FANCA: variants seen among roughly 807,000 people sequenced by gnomAD.
FANCA encodes the protein Fanconi anemia group A protein.
In FANCA, 236 loss-of-function variants were observed where a neutral mutation model predicts 194.3. The ratio of observed to expected loss-of-function variants is 1.21; its 90% CI spans 1.09 to 1.35. The LOEUF (loss-of-function observed/expected upper bound fraction) is 1.35. Ranked by LOEUF, FANCA falls within the 40% of genes most tolerant of loss-of-function variation. The pLI is 0.00. For synonymous variants in FANCA, 1,014 were observed against 715.8 expected (o/e 1.42, Z -6.65); for missense variants, 2,628 against 1,813.9 (o/e 1.45, Z -8.15).
intron 36 of FANCA, among the ~76,000 whole-genome samples, chr16:89,744,355 A>G (rs2062197744): frequency 1.3e-5 from 2 of 152,182 alleles, no homozygotes; most frequent in Non-Finnish European, 2.9e-5. Flanking sequence ...CGGCACCCAC[A>G]TTCAGCAGGT....
intron 36 of FANCA, among the ~76,000 whole-genome samples, chr16:89,744,006 T>C (rs928244248): frequency 3.3e-5 from 5 of 152,006 alleles, no homozygotes; most frequent in African/African-American, 1.2e-4. Flanking sequence ...CAAGCAATTC[T>C]CCTGCCTCAG....
chr16:89,812,657 A>AC (rs780767342), intron 3 of FANCA, among the ~76,000 whole-genome samples: 13,733 of 147,920 alleles, frequency 0.093, 1,325 homozygotes, highest in African/African-American at 0.2. Flanking sequence ...AAAAAAAAAA[A>AC]AAAAAAAAAA....
chr16:89,745,161 C>G, intron 35 of FANCA, 90 bp from the exon 36 acceptor site: 1 of 1,152,668 alleles, frequency 8.7e-7, no homozygotes, highest in Non-Finnish European at 1.3e-6. Context: ...AGTGCTCCTA[C>G]AGGCCACTAC....
intron 21 of FANCA, 83 bp downstream of exon 21, chr16:89,775,659 G>A: frequency 8.6e-7 from 1 of 1,160,604 alleles, no homozygotes; most frequent in African/African-American, 1.5e-5. Flanking sequence ...AGCTCACTCG[G>A]GTGGTGTAGC....
intron 29 of FANCA, among the ~76,000 whole-genome samples, chr16:89,760,302 C>G (rs749352585): frequency 1.3e-3 from 192 of 152,330 alleles, no homozygotes; most frequent in Non-Finnish European, 2.0e-3. Flanking sequence ...CGTGTTTTGC[C>G]GCAGGCAGCA....
intron 20 of FANCA, among the ~76,000 whole-genome samples, chr16:89,776,408 T>A (rs1451589613): frequency 6.6e-6 from 1 of 151,782 alleles, no homozygotes; most frequent in Non-Finnish European, 1.5e-5. Flanking sequence ...ACCTTGTGAT[T>A]CACCTGCCTC....
At chr16:89,774,640 G>A (rs993252888) in intron 21 of FANCA, among the ~76,000 whole-genome samples, 2 of 146,054 alleles carry the variant, frequency 1.4e-5, no homozygotes, top group South Asian at 2.2e-4. Context: ...TGAGGCAGGA[G>A]AATGGCATGA....
At position 89,814,161 on chromosome 16, in the gene FANCA, AG is replaced by A. The variant is rs1160224205; in HGVS notation, c.283+358del. Among the ~76,000 whole-genome samples the A allele has an allele frequency of 2.0e-5, 3 of 152,178 alleles. No homozygotes were observed. The East Asian group carries it at 5.8e-4, about 29-fold the overall frequency. On this transcript the variant is annotated intron_variant, in intron 3 of 42. Coordinates refer to ENST00000389301, the MANE Select transcript of FANCA (RefSeq NM_000135.4). Reference sequence around the variant, plus strand: ...CTCCCACTCTCAAACTGGGGGGAGAAGGAGGTACCTAGAAAATTGTTCTCCC... The same window carrying A: ...CTCCCACTCTCAAACTGGGGGGAGAAGAGGTACCTAGAAAATTGTTCTCCC...
chr16:89,810,686 G>C, intron 5 of FANCA, 21 bp downstream of exon 5: 1 of 1,476,616 alleles, frequency 6.8e-7, no homozygotes, highest in Non-Finnish European at 9.5e-7. Flanking sequence ...TGGAGAGTCA[G>C]ATTTGCAATC....
intron 35 of FANCA, among the ~76,000 whole-genome samples, chr16:89,746,375 T>TG (rs993176925): frequency 6.6e-6 from 1 of 151,860 alleles, no homozygotes; most frequent in Non-Finnish European, 1.5e-5. Flanking sequence ...GTGACGGCGG[T>TG]GGGGGCAGGG....
chr16:89,740,933 G>A (rs1598058242), intron 37 of FANCA, 67 bp from the exon 38 acceptor site: 12 of 1,383,892 alleles, frequency 8.7e-6, no homozygotes, highest in Non-Finnish European at 1.2e-5. Flanking sequence ...AAATAAGGCT[G>A]ACACATTCCT....
At chr16:89,789,813 GC>G in intron 14 of FANCA, among the ~76,000 whole-genome samples, 1 of 152,246 alleles carries the variant, frequency 6.6e-6, no homozygotes, top group South Asian at 2.1e-4. Flanking sequence ...AGAAACCATG[GC>G]GGTCCTTCAA....
chr16:89,759,705 G>A (rs2038885142), intron 29 of FANCA, among the ~76,000 whole-genome samples: 2 of 152,218 alleles, frequency 1.3e-5, no homozygotes, highest in African/African-American at 2.4e-5. Context: ...AAGCTGCCGT[G>A]AGCCGTGAGT....
intron 37 of FANCA, 140 bp from the exon 38 acceptor site, chr16:89,741,006 CA>C: frequency 1.3e-6 from 1 of 770,138 alleles, no homozygotes; most frequent in South Asian, 1.5e-5. Flanking sequence ...GAAAACTTTC[CA>C]ATCACTTCTA....
intron 6 of FANCA, 118 bp downstream of exon 6, chr16:89,808,176 A>G: frequency 3.4e-6 from 3 of 891,116 alleles, no homozygotes; most frequent in Non-Finnish European, 3.8e-6. Context: ...AATCTAGTCT[A>G]GTACAAATTA....
chr16:89,757,858 C>G (rs1267931463), intron 30 of FANCA, among the ~76,000 whole-genome samples: 1 of 152,200 alleles, frequency 6.6e-6, no homozygotes, highest in African/African-American at 2.4e-5. Flanking sequence ...GGTGACAGAA[C>G]AGAAAAACAA....
chr16:89,758,461 G>T, intron 30 of FANCA, 116 bp downstream of exon 30: 1 of 1,299,612 alleles, frequency 7.7e-7, no homozygotes, highest in Non-Finnish European at 1.1e-6. Flanking sequence ...GGCTGGGAAA[G>T]GCAGACCCAC....
In FANCA at chr16:89,771,680, T is replaced by C. The variant is rs766173155; in HGVS notation, c.2149A>G (p.Met717Val). Residue 717 changes from methionine (M) to valine (V), a missense_variant and splice_region_variant, in exon 23 of 43, where the codon ATG (methionine) becomes GTG (valine). Coordinates refer to ENST00000389301, the MANE Select transcript of FANCA (RefSeq NM_000135.4). ...NTPRLEPREH[M>V]AVDLLLTSFC... is the part of the protein sequence containing the mutation. Reference sequence around the variant, plus strand: ...TTGTTCTGAGCCCCTACACCTACCATGTGTTCCCGTGGCTCCAGTCTCGGC... The same window carrying C: ...TTGTTCTGAGCCCCTACACCTACCACGTGTTCCCGTGGCTCCAGTCTCGGC... The C allele has an allele frequency of 8.7e-6, 14 of 1,613,976 alleles. No individual in the cohort carries two copies. The highest frequency in any genetic ancestry group is 1.3e-5 in the African/African-American group (1 of 74,904).
In FANCA at chr16:89,738,978, G is replaced by A. The variant is rs775180524; in HGVS notation, c.4168-4C>T. On this transcript the variant is annotated splice_polypyrimidine_tract_variant and splice_region_variant and intron_variant, in intron 41 of 42. Transcript: ENST00000389301. ...TTATCAGTTCCACGGGGTTGCCCTA[G>A]AGAGAAAACAGGCAAACTCACAGGT... 1.2e-6 allele frequency: 2 copies of A among 1,614,196 alleles called. No homozygotes were observed. The highest frequency in any genetic ancestry group is 2.2e-5 in the East Asian group (1 of 44,882).
Sources: gnomAD v4.1 joint callset for allele counts (sites outside exome capture counted in the v4.1 genomes callset) on GRCh38, gnomAD v4.1.1 for gene constraint, MANE v1.5 for transcripts, NCBI Gene and HGNC (gene_info 2026-07-23, HGNC 2026-07-21) for gene names.